Variants in FAR2 observed in about 807,000 individuals in gnomAD.
The protein encoded by FAR2 is fatty acyl-CoA reductase 2.
A neutral mutation model predicts 56.0 loss-of-function variants in FAR2; 19 were observed. The ratio of observed to expected loss-of-function variants is 0.34; its 90% CI spans 0.24 to 0.50. The LOEUF (loss-of-function observed/expected upper bound fraction) is 0.50. Ranked by LOEUF, FAR2 falls within the 20% of genes least tolerant of loss-of-function variation. FAR2 has a pLI of 0.98. For missense variants in FAR2, 508 were observed against 642.2 expected, an observed-to-expected ratio of 0.79 and a Z score of 2.26; for synonymous variants, 219 against 218.8, an observed-to-expected ratio of 1.00 and a Z score of -0.01.
At chr12:29,253,086 C>T (rs1162783868) in intron 1 of FAR2, among the ~76,000 whole-genome samples, 2 of 152,068 alleles carry the variant, frequency 1.3e-5, no homozygotes, top group Non-Finnish European at 2.9e-5. Flanking sequence ...TGGGTCTCCA[C>T]CCTGCTAGCC....
chr12:29,151,832 G>A (rs1184332342), intron 1 of FAR2: 1 of 152,124 alleles, frequency 6.6e-6, no homozygotes, highest in East Asian at 1.9e-4. Flanking sequence ...TATTTTCAAG[G>A]TTGTACTATC....
intron 4 of FAR2, among the ~76,000 whole-genome samples, chr12:29,306,480 CAG>C (rs1271237547): frequency 7.9e-5 from 12 of 152,144 alleles, no homozygotes; most frequent in Admixed American, 3.3e-4. Context: ...AAAGTGGTAA[CAG>C]TGAAGATTTT....
chr12:29,247,002 CATA>C (rs553170662), intron 1 of FAR2, among the ~76,000 whole-genome samples: 1 of 152,154 alleles, frequency 6.6e-6, no homozygotes, highest in East Asian at 1.9e-4. Context: ...CATAATATTT[CATA>C]ATAACTAATA....
intron 3 of FAR2, among the ~76,000 whole-genome samples, chr12:29,295,596 A>AAT (rs34069202): frequency 0.24 from 36,798 of 151,754 alleles, 4,922 homozygotes; most frequent in African/African-American, 0.36. Context: ...ATCCAAGAAC[A>AAT]ATATGTTTTC....
chr12:29,165,293 C>CT (rs1348697035), intron 1 of FAR2, among the ~76,000 whole-genome samples: 1 of 152,156 alleles, frequency 6.6e-6, no homozygotes, highest in Non-Finnish European at 1.5e-5. Flanking sequence ...AGGAAATACT[C>CT]TAAGGATGAA....
intron 2 of FAR2, among the ~76,000 whole-genome samples, chr12:29,285,658 T>G (rs1313544681): frequency 6.6e-6 from 1 of 152,190 alleles, no homozygotes; most frequent in Non-Finnish European, 1.5e-5. Flanking sequence ...TGGTGGCTCA[T>G]GCCTGTAATC....
intron 1 of FAR2, chr12:29,172,156 C>A (rs553546597): frequency 1.3e-5 from 2 of 151,986 alleles, no homozygotes; most frequent in South Asian, 4.2e-4. Flanking sequence ...TGCCCTCTGC[C>A]CGGCCACCAA....
intron 1 of FAR2, among the ~76,000 whole-genome samples, chr12:29,160,603 G>T (rs918451664): frequency 1.3e-5 from 2 of 152,170 alleles, no homozygotes; most frequent in African/African-American, 4.8e-5. Context: ...CACAAACTGG[G>T]CGGCTTAACC....
At chr12:29,201,918 C>T (rs955383629) in intron 1 of FAR2, among the ~76,000 whole-genome samples, 1 of 152,156 alleles carries the variant, frequency 6.6e-6, no homozygotes, top group East Asian at 1.9e-4. Flanking sequence ...CAGCACTGCA[C>T]CAGAAGACTG....
At chr12:29,292,065 G>A (rs1565508214) in intron 2 of FAR2, 2 of 152,178 alleles carry the variant, frequency 1.3e-5, no homozygotes, top group Admixed American at 6.5e-5. Context: ...AAATTGTAAT[G>A]ATCTCCTGAA....
chr12:29,240,035 C>T (rs1397615327), intron 1 of FAR2, among the ~76,000 whole-genome samples: 2 of 152,170 alleles, frequency 1.3e-5, no homozygotes, highest in African/African-American at 2.4e-5. Flanking sequence ...ATTTTCTAGC[C>T]TTCACATCTT....
chr12:29,237,970 C>T (rs1947966135), intron 1 of FAR2, among the ~76,000 whole-genome samples: 3 of 151,946 alleles, frequency 2.0e-5, no homozygotes, highest in South Asian at 2.1e-4. Context: ...GACCAATGCA[C>T]GATGTTAAAA....
chr12:29,319,688 T>G (rs915827943), intron 9 of FAR2, among the ~76,000 whole-genome samples: 2 of 152,228 alleles, frequency 1.3e-5, no homozygotes, highest in African/African-American at 4.8e-5. Context: ...AAATCCTGGC[T>G]TCACCAATTT....
At chr12:29,332,802 G>A in intron 11 of FAR2, 75 bp downstream of exon 11, 1 of 1,378,138 alleles carries the variant, frequency 7.3e-7, no homozygotes. Context: ...TAACATTTGT[G>A]CAGAGGAGAA....
At chr12:29,182,009 G>A (rs920750541) in intron 1 of FAR2, among the ~76,000 whole-genome samples, 1 of 152,314 alleles carries the variant, frequency 6.6e-6, no homozygotes, top group African/African-American at 2.4e-5. Context: ...TTAGGAAAAT[G>A]TATGTGATTT....
At chr12:29,161,164 A>G (rs1949778780) in intron 1 of FAR2, among the ~76,000 whole-genome samples, 1 of 152,228 alleles carries the variant, frequency 6.6e-6, no homozygotes, top group South Asian at 2.1e-4. Flanking sequence ...AAAAGTGAAT[A>G]TATCACAAAT....
At chr12:29,257,595 C>A (rs945138854) in intron 1 of FAR2, among the ~76,000 whole-genome samples, 1 of 152,146 alleles carries the variant, frequency 6.6e-6, no homozygotes, top group Non-Finnish European at 1.5e-5. Flanking sequence ...ACACTCACTG[C>A]GAAGGTCTGC....
At chr12:29,213,339 G>A (rs565206938) in intron 1 of FAR2, among the ~76,000 whole-genome samples, 101 of 152,172 alleles carry the variant, frequency 6.6e-4, no homozygotes, top group Admixed American at 1.8e-3. Context: ...AATACAAAAT[G>A]AGGGCACATA....
intron 1 of FAR2, among the ~76,000 whole-genome samples, chr12:29,172,209 G>A (rs35736217): frequency 0.04 from 5,903 of 149,248 alleles, 334 homozygotes; most frequent in African/African-American, 0.13. Context: ...CCGCCCCACC[G>A]TCTGGGAAGT....
Sources: allele counts gnomAD v4.1 joint callset (sites outside exome capture counted in the v4.1 genomes callset), GRCh38; gene constraint gnomAD v4.1.1; transcripts MANE v1.5; gene names NCBI Gene and HGNC (gene_info 2026-07-23, HGNC 2026-07-21).